PACSIN2: variants seen among roughly 807,000 people sequenced by gnomAD.
PACSIN2 encodes the protein protein kinase C and casein kinase substrate in neurons 2, also known as protein kinase C and casein kinase substrate in neurons protein 2.
PACSIN2 carries 25 observed loss-of-function variants against 63.8 expected under a neutral mutation model. The ratio of observed to expected loss-of-function variants is 0.39; its 90% CI spans 0.29 to 0.55. The LOEUF (loss-of-function observed/expected upper bound fraction) is 0.55, where lower values mean the gene tolerates loss of function less well. Ranked by LOEUF, PACSIN2 falls within the 20% of genes least tolerant of loss-of-function variation. The probability of loss-of-function intolerance (pLI) is 0.62; values close to 1 mark genes in which losing one functional copy is unlikely to be tolerated. For missense variants in PACSIN2, 518 were observed against 646.9 expected (o/e 0.80, Z 2.16); for synonymous variants, 255 against 256.2 (o/e 1.00, Z 0.05).
intron 1 of PACSIN2, among the ~76,000 whole-genome samples, chr22:42,937,513 C>G (rs1932964402): frequency 6.6e-6 from 1 of 152,180 alleles, no homozygotes. Flanking sequence ...CTCTGAGCCC[C>G]TGCCTAGATG....
rs764476908 is a variant in PACSIN2, at chr22:42,871,372, C to T, written c.1446G>A (p.Val482=). The T allele has an allele frequency of 6.2e-7, 1 of 1,613,062 alleles. No homozygotes were observed. Among genetic ancestry groups the T allele is most frequent in the African/African-American group, 1.3e-5 (1 of 75,032 alleles). ...CCCCGACTCATCACTGGATCGCCTC[C>T]ACATAATTTGCCGGGTATAGGCCAA... ...GQVGLYPANY[V]EAIQ Residue 482 remains valine, a synonymous_variant, in exon 11 of 11, where the codon GTG becomes GTA. Transcript: ENST00000263246. This position sits in a 1 kb window ranked among gnomAD's most constrained non-coding sequence, Gnocchi z 5.4.
At chr22:42,873,816 C>T (rs1459507102) in intron 10 of PACSIN2, among the ~76,000 whole-genome samples, 2 of 148,436 alleles carry the variant, frequency 1.3e-5, no homozygotes. Flanking sequence ...TTTTTTGAGA[C>T]AGAGTGTCAC....
chr22:42,989,079 A>G (rs1922826873), intron 1 of PACSIN2, among the ~76,000 whole-genome samples: 1 of 152,090 alleles, frequency 6.6e-6, no homozygotes, highest in South Asian at 2.1e-4. Context: ...GGGTCTCACT[A>G]TGTTGCCCAG....
intron 5 of PACSIN2, among the ~76,000 whole-genome samples, chr22:42,886,889 C>G (rs1362948254): frequency 1.3e-5 from 2 of 152,204 alleles, no homozygotes; most frequent in Non-Finnish European, 2.9e-5. Flanking sequence ...TGGGCCTGTT[C>G]TGCAAAAGCC....
chr22:42,923,107 T>C (rs1313161273), intron 1 of PACSIN2, among the ~76,000 whole-genome samples: 1 of 152,194 alleles, frequency 6.6e-6, no homozygotes, highest in Non-Finnish European at 1.5e-5. Flanking sequence ...AGGACTAATC[T>C]GGCATCATAG....
At chr22:42,884,094 C>T (rs996723274) in intron 6 of PACSIN2, among the ~76,000 whole-genome samples, 1 of 152,238 alleles carries the variant, frequency 6.6e-6, no homozygotes, top group African/African-American at 2.4e-5. Context: ...CCACCCAGAC[C>T]TGTACATGGA....
At chr22:42,955,534 T>A (rs562972273) in intron 1 of PACSIN2, among the ~76,000 whole-genome samples, 2 of 152,052 alleles carry the variant, frequency 1.3e-5, no homozygotes, top group African/African-American at 4.8e-5. Flanking sequence ...CCTCACATCA[T>A]GACTTTTCAT....
intron 5 of PACSIN2, 122 bp downstream of exon 5, chr22:42,888,521 T>C: frequency 5.2e-6 from 5 of 958,820 alleles, no homozygotes; most frequent in Non-Finnish European, 8.0e-6. Context: ...AGGGGTGTGT[T>C]TTATTGGTTA....
At chr22:42,985,364 C>T (rs942794025) in intron 1 of PACSIN2, among the ~76,000 whole-genome samples, 1 of 152,194 alleles carries the variant, frequency 6.6e-6, no homozygotes, top group African/African-American at 2.4e-5. Flanking sequence ...GGGTGCTCAC[C>T]CCAGAGACTG....
At chr22:43,009,363 A>C (rs1345312895) in intron 1 of PACSIN2, among the ~76,000 whole-genome samples, 1 of 152,246 alleles carries the variant, frequency 6.6e-6, no homozygotes, top group African/African-American at 2.4e-5. Flanking sequence ...CATCTTCTAT[A>C]AATACAAGTC....
intron 10 of PACSIN2, among the ~76,000 whole-genome samples, 189 bp downstream of exon 10, chr22:42,875,948 T>C (rs1315476595): frequency 6.6e-6 from 1 of 152,174 alleles, no homozygotes; most frequent in Non-Finnish European, 1.5e-5. Context: ...TCTGGGACTA[T>C]AGGCATGAGC....
At chr22:42,885,817 T>C (rs1329358437) in intron 5 of PACSIN2, among the ~76,000 whole-genome samples, 1 of 152,050 alleles carries the variant, frequency 6.6e-6, no homozygotes, top group Non-Finnish European at 1.5e-5. Context: ...TGGGCTTGGG[T>C]CCTCTGTGCC....
intron 5 of PACSIN2, among the ~76,000 whole-genome samples, chr22:42,888,062 C>T (rs906232391): frequency 6.6e-6 from 1 of 151,798 alleles, no homozygotes; most frequent in Non-Finnish European, 1.5e-5. Context: ...CTGCCCCCAG[C>T]CCCTCTCCCT....
chr22:42,892,294 C>CG (rs1295483937), intron 3 of PACSIN2, among the ~76,000 whole-genome samples: 1 of 152,052 alleles, frequency 6.6e-6, no homozygotes, highest in Non-Finnish European at 1.5e-5. Context: ...TGACCAAGTG[C>CG]GCTGAGTCAT....
chr22:42,909,508 C>G (rs1233195480), intron 2 of PACSIN2: 1 of 471,014 alleles, frequency 2.1e-6, no homozygotes, highest in Non-Finnish European at 4.4e-6. Flanking sequence ...CTCCGCCACT[C>G]AACGAACATC....
chr22:42,872,467 T>C (rs1366744539), intron 10 of PACSIN2, among the ~76,000 whole-genome samples: 7 of 152,282 alleles, frequency 4.6e-5, no homozygotes, highest in Non-Finnish European at 8.8e-5. Flanking sequence ...TAACTCTCTT[T>C]GGCATTTTTT....
intron 4 of PACSIN2, among the ~76,000 whole-genome samples, chr22:42,890,047 G>A (rs1929792598): frequency 1.3e-5 from 2 of 150,828 alleles, no homozygotes. Context: ...CTGTCACCAG[G>A]CTGGAGTGCA....
intron 1 of PACSIN2, among the ~76,000 whole-genome samples, chr22:42,971,380 C>T (rs954572003): frequency 2.0e-5 from 3 of 152,248 alleles, no homozygotes; most frequent in Non-Finnish European, 4.4e-5. Context: ...GTCTCGCTCA[C>T]TCAGTGCTCT....
chr22:42,983,503 A>AC (rs1249904663), intron 1 of PACSIN2, among the ~76,000 whole-genome samples: 8 of 151,274 alleles, frequency 5.3e-5, no homozygotes, highest in Non-Finnish European at 1.2e-4. Context: ...AAAAAAAAAA[A>AC]AAAAACAGAT....
Sources: allele counts gnomAD v4.1 joint callset (sites outside exome capture counted in the v4.1 genomes callset), GRCh38; gene constraint gnomAD v4.1.1; non-coding constraint Gnocchi (gnomAD v3.1); transcripts MANE v1.5; gene names NCBI Gene and HGNC (gene_info 2026-07-23, HGNC 2026-07-21).